Variants in NUBPL observed in about 807,000 individuals in gnomAD.
NUBPL encodes iron-sulfur cluster transfer protein NUBPL.
In NUBPL, 31 loss-of-function variants were observed where a neutral mutation model predicts 45.7. The ratio of observed to expected loss-of-function variants is 0.68; its 90% confidence interval spans 0.51 to 0.92. The LOEUF is 0.92. Ranked by LOEUF, NUBPL falls within the 40% of genes least tolerant of loss-of-function variation. The probability of loss-of-function intolerance (pLI) is 0.00; values close to 1 mark genes in which losing one functional copy is unlikely to be tolerated. For missense variants in NUBPL, 401 were observed against 398.7 expected, an observed-to-expected ratio of 1.01 and a Z score of -0.05; for synonymous variants, 144 against 140.9, an observed-to-expected ratio of 1.02 and a Z score of -0.15.
intron 8 of NUBPL, among the ~76,000 whole-genome samples, chr14:31,828,025 A>C (rs1033729534): frequency 4.4e-5 from 6 of 137,750 alleles, no homozygotes; most frequent in Non-Finnish European, 1.0e-4. Flanking sequence ...AAAATCGAGG[A>C]GGCTTATAAG....
intron 10 of NUBPL, among the ~76,000 whole-genome samples, chr14:31,853,128 G>C (rs1479819005): frequency 1.3e-5 from 2 of 151,060 alleles, no homozygotes; most frequent in African/African-American, 4.8e-5. Context: ...TTTGAGACAG[G>C]ATCTTACTCT....
intron 4 of NUBPL, among the ~76,000 whole-genome samples, chr14:31,622,042 G>A (rs1227274312): frequency 6.6e-6 from 1 of 152,190 alleles, no homozygotes; most frequent in Non-Finnish European, 1.5e-5. Flanking sequence ...TTAGGCTGAG[G>A]TGGTCTTAGA....
intron 7 of NUBPL, among the ~76,000 whole-genome samples, chr14:31,820,541 G>A (rs1303355108): frequency 1.3e-5 from 2 of 152,082 alleles, no homozygotes; most frequent in South Asian, 4.1e-4. Context: ...TAAAAATCTG[G>A]GGCCGTGTGC....
At position 31,792,966 on chromosome 14, in the gene NUBPL, A is replaced by G. The variant is rs535909987; in HGVS notation, c.607+5093A>G. Reference sequence around the variant, plus strand: ...TTCATAAATTTACAGAACCTGTAACAGCCTGTCAAAATCATGTCTGCTCTT... The same window carrying G: ...TTCATAAATTTACAGAACCTGTAACGGCCTGTCAAAATCATGTCTGCTCTT... On this transcript the variant is annotated intron_variant, in intron 7 of 10. Transcript: ENST00000281081. 6.5e-3 allele frequency among the ~76,000 whole-genome samples: 996 copies of G among 152,324 alleles called. 12 individuals carry two copies. The highest frequency in any genetic ancestry group is 0.022 in the African/African-American group (933 of 41,578).
intron 6 of NUBPL, among the ~76,000 whole-genome samples, chr14:31,759,960 G>T (rs529230145): frequency 6.6e-6 from 1 of 151,302 alleles, no homozygotes; most frequent in South Asian, 2.1e-4. Context: ...AATGCATTTT[G>T]ACTCACATTA....
chr14:31,805,669 A>G (rs1479338698), intron 7 of NUBPL, among the ~76,000 whole-genome samples: 1 of 152,080 alleles, frequency 6.6e-6, no homozygotes, highest in Non-Finnish European at 1.5e-5. Context: ...ATAAAAAAAC[A>G]CCCCATGTTC....
intron 2 of NUBPL, among the ~76,000 whole-genome samples, chr14:31,563,504 G>A (rs866501929): frequency 1.1e-4 from 16 of 152,130 alleles, no homozygotes; most frequent in African/African-American, 3.9e-4. Context: ...CATCTGTCCC[G>A]AAAAGCTGGC....
chr14:31,814,800 T>C (rs994262783), intron 7 of NUBPL, among the ~76,000 whole-genome samples: 4 of 152,214 alleles, frequency 2.6e-5, no homozygotes, highest in Admixed American at 6.5e-5. Flanking sequence ...GGGAATCCTT[T>C]CCCCATTGCT....
intron 6 of NUBPL, among the ~76,000 whole-genome samples, chr14:31,775,515 C>T (rs1356978111): frequency 6.6e-6 from 1 of 152,182 alleles, no homozygotes; most frequent in Non-Finnish European, 1.5e-5. Flanking sequence ...GTACAAGAGA[C>T]ATCTAGCAGG....
chr14:31,612,786 A>C (rs541632823), intron 4 of NUBPL, among the ~76,000 whole-genome samples: 14 of 152,370 alleles, frequency 9.2e-5, no homozygotes, highest in African/African-American at 3.4e-4. Context: ...TTATATCCAA[A>C]AGGCAGAAAA....
chr14:31,603,591 C>A (rs538785674), intron 4 of NUBPL, among the ~76,000 whole-genome samples: 1 of 152,100 alleles, frequency 6.6e-6, no homozygotes, highest in African/African-American at 2.4e-5. Flanking sequence ...ATTTAAGAGG[C>A]TTTTGTTTGT....
chr14:31,638,566 C>G (rs2035579529), intron 4 of NUBPL, among the ~76,000 whole-genome samples: 1 of 151,814 alleles, frequency 6.6e-6, no homozygotes, highest in Admixed American at 6.6e-5. Flanking sequence ...AGTTTTGTGT[C>G]TTGGAGTTGC....
At chr14:31,820,139 C>A (rs1328920743) in intron 7 of NUBPL, among the ~76,000 whole-genome samples, 214 of 111,466 alleles carry the variant, frequency 1.9e-3, no homozygotes, top group Non-Finnish European at 2.3e-3. Flanking sequence ...GACTCCATCT[C>A]AAAAAAAAAA....
chr14:31,640,347 C>G (rs2035650947), intron 4 of NUBPL, among the ~76,000 whole-genome samples: 1 of 152,116 alleles, frequency 6.6e-6, no homozygotes, highest in Non-Finnish European at 1.5e-5. Flanking sequence ...GGCTCACGCG[C>G]CCAGCACTTC....
intron 4 of NUBPL, among the ~76,000 whole-genome samples, chr14:31,640,120 T>G (rs535104316): frequency 7.1e-4 from 108 of 152,100 alleles, no homozygotes; most frequent in Non-Finnish European, 1.2e-3. Flanking sequence ...AGGCACTCCC[T>G]AGTGAGATGA....
At chr14:31,633,388 A>G (rs929355886) in intron 4 of NUBPL, among the ~76,000 whole-genome samples, 2 of 152,228 alleles carry the variant, frequency 1.3e-5, no homozygotes, top group African/African-American at 4.8e-5. Context: ...CATTTTAATA[A>G]CTGAGTAGAA....
chr14:31,596,280 G>T (rs545516802), intron 3 of NUBPL, among the ~76,000 whole-genome samples: 1 of 152,228 alleles, frequency 6.6e-6, no homozygotes, highest in Non-Finnish European at 1.5e-5. Flanking sequence ...AGTCTGAAAA[G>T]AGTGCTTTTT....
At chr14:31,596,926 G>A (rs910424943) in intron 3 of NUBPL, among the ~76,000 whole-genome samples, 2 of 152,266 alleles carry the variant, frequency 1.3e-5, no homozygotes, top group African/African-American at 4.8e-5. Flanking sequence ...ATGCAATCAG[G>A]GAAAGTGTTG....
intron 7 of NUBPL, among the ~76,000 whole-genome samples, chr14:31,821,140 A>ATAAC (rs1017434854): frequency 6.6e-6 from 1 of 152,000 alleles, no homozygotes; most frequent in Admixed American, 6.6e-5. Flanking sequence ...AAATAAATAA[A>ATAAC]TAAATAAATG....
Sources: gnomAD v4.1 joint callset for allele counts (sites outside exome capture counted in the v4.1 genomes callset) on GRCh38, gnomAD v4.1.1 for gene constraint, MANE v1.5 for transcripts, NCBI Gene and HGNC (gene_info 2026-07-23, HGNC 2026-07-21) for gene names.